The following DYNLT4 variants were observed in gnomAD, a reference collection of about 807,000 sequenced individuals.
The protein encoded by DYNLT4 is Tctex1 domain containing 4.
DYNLT4 carries 3 observed loss-of-function variants against 1.5 expected under a neutral mutation model. The observed-to-expected ratio is 1.97, with a 90% CI of 0.90 to 5.08. DYNLT4 has a LOEUF of 5.08. Ranked by LOEUF, DYNLT4 falls within the 30% of genes most tolerant of loss-of-function variation. The pLI is 0.02. For missense variants in DYNLT4, 346 were observed against 341.0 expected, an observed-to-expected ratio of 1.01 and a Z score of -0.12; for synonymous variants, 181 against 160.0, an observed-to-expected ratio of 1.13 and a Z score of -0.99.
Position 44,806,213 on chromosome 1 carries a change from G to A in DYNLT4, c.456C>T (p.Leu152=). 1 of 1,540,528 alleles carries A rather than the reference G, an allele frequency of 6.5e-7. No homozygotes were observed. Among genetic ancestry groups the A allele is most frequent in the South Asian group, 1.2e-5 (1 of 84,490 alleles). Residue 152 remains leucine (L), a synonymous_variant, in exon 3 of 3, where the codon CTC becomes CTT. Transcript: ENST00000339355. ...SDEAARLVRE[L]CEQVHVRLRE... ...GCAGGCGAACGTGCACCTGCTCGCA[G>A]AGCTCCCGCACCAGCCGCGCGGCCT...
At position 44,806,240 on chromosome 1, in the gene DYNLT4, G is replaced by C. The variant is rs17886118; in HGVS notation, c.429C>G (p.Asp143Glu). The C allele has an allele frequency of 2.6e-6, 4 of 1,529,450 alleles. No individual in the cohort carries two copies. The highest frequency in any genetic ancestry group is 3.5e-6 in the Non-Finnish European group (4 of 1,141,624). The allele number at this position is 1,529,450 out of a possible 1,614,324, so 94.7% of individuals were successfully genotyped here. ...GCTCCCGCACCAGCCGCGCGGCCTC[G>C]TCGCTGGAGTAGCACGCGTCGTGCA... is the stretch of plus-strand genomic sequence containing the variant. ...AGLHDACYSS[D>E]EAARLVRELC... The change falls in exon 3 of 3, where the codon GAC (aspartate) becomes GAG (glutamate). Residue 143 changes from aspartate (D) to glutamate (E), a missense_variant. Physicochemically the swap from Asp to Glu is conservative, Grantham distance 45. Transcript: ENST00000339355.
In DYNLT4 at chr1:44,806,021, G is replaced by T. The variant is rs1201193099; in HGVS notation, c.648C>A (p.His216Gln). Reference sequence around the variant, plus strand: ...CTCCCCCTCACTCGCAGTAGAGCCCGTGGACCGTGGCCACCGCGAAGAGCG... The same window carrying T: ...CTCCCCCTCACTCGCAGTAGAGCCCTTGGACCGTGGCCACCGCGAAGAGCG... Reference protein sequence around the residue: ...NTSLFAVATVHGLYCE With the variant: ...NTSLFAVATVQGLYCE Residue 216 changes from histidine to glutamine, a missense_variant, in exon 3 of 3, where the codon CAC becomes CAA. His to Gln is a conservative substitution (Grantham distance 24, BLOSUM62 0). Coordinates refer to ENST00000339355, the MANE Select transcript of DYNLT4 (RefSeq NM_001377534.1). 1 of 1,565,346 alleles carries T rather than the reference G, an allele frequency of 6.4e-7. No homozygotes were observed. Among genetic ancestry groups the T allele is most frequent in the South Asian group, 1.2e-5 (1 of 85,024 alleles).
Position 44,806,351 on chromosome 1 carries a change from G to A in DYNLT4, c.318C>T (p.Pro106=), listed in dbSNP as rs774705953. Residue 106 remains proline (P), a synonymous_variant, in exon 3 of 3, where the codon CCC becomes CCT. Coordinates refer to ENST00000339355, the MANE Select transcript of DYNLT4 (RefSeq NM_001377534.1). ...LPLAPARWVA[P]SYRTEPVPGE... ...CGGGCACTGGCTCCGTGCGGTAGGA[G>A]GGCGCCACCCAACGGGCGGGCGCCA... is the stretch of plus-strand genomic sequence containing the variant. The A allele has an allele frequency of 6.6e-7, 1 of 1,517,920 alleles. No individual in the cohort carries two copies. Among genetic ancestry groups the A allele is most frequent in the South Asian group, 1.2e-5 (1 of 82,014 alleles). 94.0% of individuals were successfully genotyped at this position (1,517,920 alleles called of 1,614,324 possible).
At position 44,806,209 on chromosome 1, in the gene DYNLT4, C is replaced by G; in HGVS notation, c.460G>C (p.Glu154Gln). 1 of 1,541,646 alleles carries G rather than the reference C, an allele frequency of 6.5e-7. No homozygotes were observed. Among genetic ancestry groups the G allele is most frequent in the South Asian group, 1.2e-5 (1 of 84,580 alleles). ...TCGCGCAGGCGAACGTGCACCTGCT[C>G]GCAGAGCTCCCGCACCAGCCGCGCG... is the stretch of plus-strand genomic sequence containing the variant. ...EAARLVRELC[E>Q]QVHVRLRELS... Residue 154 changes from glutamate (E) to glutamine (Q), a missense_variant, in exon 3 of 3, where the codon GAG becomes CAG. Glu to Gln is a conservative substitution (Grantham distance 29). Transcript: ENST00000339355.
rs1028220083 is a variant in DYNLT4, at chr1:44,806,027, C to G, written c.642G>C (p.Thr214=). Residue 214 remains threonine, a synonymous_variant, in exon 3 of 3, where the codon ACG becomes ACC. Transcript: ENST00000339355. The part of the protein sequence containing the change: ...YTNTSLFAVA[T]VHGLYCE ...CTCACTCGCAGTAGAGCCCGTGGAC[C>G]GTGGCCACCGCGAAGAGCGAGGTGT... 20 of 1,569,310 alleles carry G rather than the reference C, an allele frequency of 1.3e-5. No individual in the cohort carries two copies. The highest frequency in any genetic ancestry group is 1.7e-5 in the Non-Finnish European group (20 of 1,154,100).
At chr1:44,806,957 G>A (rs780909674) in intron 1 of DYNLT4, 119 bp from the exon 2 acceptor site, 56 of 985,276 alleles carry the variant, frequency 5.7e-5, no homozygotes, top group Non-Finnish European at 6.0e-5. Flanking sequence ...AAGTTAGCCA[G>A]GTACGCTCGG....
intron 1 of DYNLT4, 128 bp from the exon 2 acceptor site, chr1:44,806,966 G>C (rs961411212): frequency 8.1e-6 from 8 of 985,348 alleles, no homozygotes; most frequent in Non-Finnish European, 9.6e-6. Flanking sequence ...AGGTACGCTC[G>C]GAGTCTTAGA....
chr1:44,806,879 AGGAGGCTGCTAGGACT>A (rs1404047673), intron 1 of DYNLT4, 41 bp from the exon 2 acceptor site: 1 of 985,332 alleles, frequency 1.0e-6, no homozygotes, highest in Non-Finnish European at 1.2e-6. Flanking sequence ...AGCAGGGGAC[AGGAGGCTGCTAGGACT>A]GGGATCCTCG....
chr1:44,806,325 C>CCGGGCA lies in DYNLT4; in HGVS notation c.338_343dup (p.Val113_Pro114dup). On this transcript the variant is annotated inframe_insertion, in exon 3 of 3. Coordinates refer to ENST00000339355, the MANE Select transcript of DYNLT4 (RefSeq NM_001377534.1). ...TGCACGCGCAGCCTCCCAGCGCTCCCCGGGCACTGGCTCCGTGCGGTAGGA... is the reference window on the plus strand; with the variant it reads ...TGCACGCGCAGCCTCCCAGCGCTCCCCGGGCACGGGCACTGGCTCCGTGCGGTAGGA... 6.7e-7 allele frequency: 1 copy of CCGGGCA among 1,491,580 alleles called. No individual in the cohort carries two copies. The highest frequency in any genetic ancestry group is 1.3e-5 in the South Asian group (1 of 78,348). 92.4% of individuals were successfully genotyped at this position (1,491,580 alleles called of 1,614,324 possible). A position where few individuals can be genotyped will look rare whatever the true frequency, so the allele number is the denominator to read the frequency against.
Position 44,806,573 on chromosome 1 carries a change from C to G in DYNLT4, c.96G>C (p.Leu32=). 1 of 1,499,482 alleles carries G rather than the reference C, an allele frequency of 6.7e-7. No homozygotes were observed. The highest frequency in any genetic ancestry group is 8.9e-7 in the Non-Finnish European group (1 of 1,126,668). 92.9% of individuals were successfully genotyped at this position (1,499,482 alleles called of 1,614,324 possible). A position where few individuals can be genotyped will look rare whatever the true frequency, so the allele number is the denominator to read the frequency against. ...CCGGTCGGGCCTCATCAATGCTGGGCAGGCAGCCTCGGGGCCGCACCGGTG... is the reference window on the plus strand; with the variant it reads ...CCGGTCGGGCCTCATCAATGCTGGGGAGGCAGCCTCGGGGCCGCACCGGTG... ...KPSPVRPRGC[L]PSIDEARPAG... Residue 32 remains leucine, a synonymous_variant, in exon 3 of 3, where the codon CTG becomes CTC. Coordinates refer to ENST00000339355, the MANE Select transcript of DYNLT4 (RefSeq NM_001377534.1).
Position 44,806,656 on chromosome 1 carries a change from G to T in DYNLT4, c.13C>A (p.Pro5Thr). 6.8e-7 allele frequency: 1 copy of T among 1,463,458 alleles called. No homozygotes were observed. Among genetic ancestry groups the T allele is most frequent in the Non-Finnish European group, 9.0e-7 (1 of 1,111,040 alleles). The allele number at this position is 1,463,458 out of a possible 1,614,324, so 90.7% of individuals were successfully genotyped here. MASRPLPPGRQEEEN... is the reference protein window; with the variant it reads MASRTLPPGRQEEEN... Reference sequence around the variant, plus strand: ...TCCTCCTGGCGTCCCGGGGGCAGAGGCCTGCTGGCCATGGACCTGCTGGCT... The same window carrying T: ...TCCTCCTGGCGTCCCGGGGGCAGAGTCCTGCTGGCCATGGACCTGCTGGCT... The change falls in exon 3 of 3, where the codon CCT becomes ACT. Residue 5 changes from proline (P) to threonine (T), a missense_variant. Coordinates refer to ENST00000339355, the MANE Select transcript of DYNLT4 (RefSeq NM_001377534.1).
rs761117923 is a variant in DYNLT4 at position 44,806,099 on chromosome 1, C to A, written c.570G>T (p.Ala190=). The change falls in exon 3 of 3, where the codon GCG becomes GCT. Residue 190 remains alanine (A), a synonymous_variant. Transcript: ENST00000339355. ...AGQGVHVVSR[A]LWDVARDGLA... is the part of the protein sequence containing the mutation. ...GCCCATCGCGCGCCACGTCCCAGAG[C>A]GCACGGCTGACCACGTGAACGCCCT... The A allele has an allele frequency of 1.2e-6, 2 of 1,608,914 alleles. No homozygotes were observed. The highest frequency in any genetic ancestry group is 1.7e-6 in the Non-Finnish European group (2 of 1,178,250).
chr1:44,806,167 A>G lies in DYNLT4; in HGVS notation c.502T>C (p.Tyr168His). The change falls in exon 3 of 3, where the codon TAC becomes CAC. Residue 168 changes from tyrosine (Y) to histidine (H), a missense_variant. Coordinates refer to ENST00000339355, the MANE Select transcript of DYNLT4 (RefSeq NM_001377534.1). ...VRLRELSPPRYKLVCSVVLGP... is the reference protein window; with the variant it reads ...VRLRELSPPRHKLVCSVVLGP... ...AGCACCACACTGCATACCAGCTTGT[A>G]GCGTGGCGGGCTGAGCTCGCGCAGG... 11 of 1,576,930 alleles carry G rather than the reference A, an allele frequency of 7.0e-6. No homozygotes were observed. Among genetic ancestry groups the G allele is most frequent in the Non-Finnish European group, 9.4e-6 (11 of 1,164,080 alleles).
rs752608366 is a variant in DYNLT4 at position 44,806,164 on chromosome 1, T to C, written c.505A>G (p.Lys169Glu). ...RLRELSPPRY[K>E]LVCSVVLGPR... The stretch of plus-strand genomic sequence containing the variant: ...CCCAGCACCACACTGCATACCAGCT[T>C]GTAGCGTGGCGGGCTGAGCTCGCGC... Residue 169 changes from lysine (K) to glutamate (E), a missense_variant, in exon 3 of 3, where the codon AAG becomes GAG. Lys to Glu is a moderately conservative substitution (Grantham distance 56, BLOSUM62 1). Transcript: ENST00000339355. 1.3e-6 allele frequency: 2 copies of C among 1,580,318 alleles called. No individual in the cohort carries two copies. The highest frequency in any genetic ancestry group is 1.8e-5 in the Admixed American group (1 of 54,764).
rs976881275 is a variant in DYNLT4 at position 44,806,806 on chromosome 1, C to A, written c.-34G>T. 2.2e-6 allele frequency: 3 copies of A among 1,339,436 alleles called. No individual in the cohort carries two copies. Among genetic ancestry groups the A allele is most frequent in the Non-Finnish European group, 2.9e-6 (3 of 1,051,936 alleles). The allele number at this position is 1,339,436 out of a possible 1,614,324, so 83.0% of individuals were successfully genotyped here. Reference sequence around the variant, plus strand: ...TACCTGTGTTTTAGAACAAGTGGATCAGATAGTCCCAGGCTGCCTGGGTTC... The same window carrying A: ...TACCTGTGTTTTAGAACAAGTGGATAAGATAGTCCCAGGCTGCCTGGGTTC... On this transcript the variant is annotated 5_prime_UTR_variant, in exon 2 of 3. Coordinates refer to ENST00000339355, the MANE Select transcript of DYNLT4 (RefSeq NM_001377534.1).
Position 44,806,303 on chromosome 1 carries a change from A to ACGCGCAGCCTCC in DYNLT4, c.354_365dup (p.Glu119_Arg122dup), listed in dbSNP as rs1357485408. 3.4e-6 allele frequency: 5 copies of ACGCGCAGCCTCC among 1,480,010 alleles called. No individual in the cohort carries two copies. Among genetic ancestry groups the ACGCGCAGCCTCC allele is most frequent in the Non-Finnish European group, 4.5e-6 (5 of 1,122,022 alleles). The allele number at this position is 1,480,010 out of a possible 1,614,324, so 91.7% of individuals were successfully genotyped here. On this transcript the variant is annotated inframe_insertion, in exon 3 of 3. Transcript: ENST00000339355. ...GCGCCGCCTCCAGGGCACGCTGTGC[A>ACGCGCAGCCTCC]CGCGCAGCCTCCCAGCGCTCCCCGG...
At position 44,806,220 on chromosome 1, in the gene DYNLT4, C is replaced by T. The variant is rs1048680661; in HGVS notation, c.449G>A (p.Arg150Gln). ...AACGTGCACCTGCTCGCAGAGCTCC[C>T]GCACCAGCCGCGCGGCCTCGTCGCT... ...YSSDEAARLVRELCEQVHVRL... is the reference protein window; with the variant it reads ...YSSDEAARLVQELCEQVHVRL... The change falls in exon 3 of 3, where the codon CGG (arginine) becomes CAG (glutamine). Residue 150 changes from arginine (R) to glutamine (Q), a missense_variant. By Grantham distance (43) the Arg-to-Gln change is conservative (BLOSUM62 1). Transcript: ENST00000339355. 11 of 1,535,660 alleles carry T rather than the reference C, an allele frequency of 7.2e-6. No individual in the cohort carries two copies. The highest frequency in any genetic ancestry group is 1.2e-5 in the South Asian group (1 of 84,174).
rs964262220 is a variant in DYNLT4 at position 44,806,150 on chromosome 1, A to C, written c.519T>G (p.Ser173Arg). The C allele has an allele frequency of 4.4e-6, 7 of 1,590,982 alleles. No individual in the cohort carries two copies. In the African/African-American group the frequency reaches 9.4e-5, roughly 21 times the overall value. Residue 173 changes from serine (S) to arginine (R), a missense_variant, in exon 3 of 3, where the codon AGT becomes AGG. By Grantham distance (110) the Ser-to-Arg change is moderately radical. Transcript: ENST00000339355. ...GGCCCGCGCGCGGCCCCAGCACCAC[A>C]CTGCATACCAGCTTGTAGCGTGGCG... The part of the protein sequence containing the change: ...LSPPRYKLVC[S>R]VVLGPRAGQG...
At position 44,806,594 on chromosome 1, in the gene DYNLT4, C is replaced by T. The variant is rs1289303788; in HGVS notation, c.75G>A (p.Pro25=). The part of the protein sequence containing the change: ...NAKDSGRKPS[P]VRPRGCLPSI... ...TGGGCAGGCAGCCTCGGGGCCGCACCGGTGAGGGTTTCCGCCCGGAGTCTT... is the reference window on the plus strand; with the variant it reads ...TGGGCAGGCAGCCTCGGGGCCGCACTGGTGAGGGTTTCCGCCCGGAGTCTT... The change falls in exon 3 of 3, where the codon CCG becomes CCA. Residue 25 remains proline, a synonymous_variant. Transcript: ENST00000339355. The T allele has an allele frequency of 1.4e-5, 21 of 1,483,394 alleles. No homozygotes were observed. Among genetic ancestry groups the T allele is most frequent in the Non-Finnish European group, 1.7e-5 (19 of 1,119,748 alleles). 91.9% of individuals were successfully genotyped at this position (1,483,394 alleles called of 1,614,324 possible).
Sources: allele counts gnomAD v4.1 joint callset, GRCh38; gene constraint gnomAD v4.1.1; transcripts MANE v1.5; gene names NCBI Gene and HGNC (gene_info 2026-07-23, HGNC 2026-07-21).